Variants in GATAD1 observed in about 807,000 individuals in gnomAD.
GATAD1 encodes GATA zinc finger domain-containing protein 1.
Under a neutral mutation model 26.5 loss-of-function variants are expected in GATAD1, and 12 were observed. The ratio of observed to expected loss-of-function variants is 0.45; its 90% CI spans 0.29 to 0.73. The LOEUF (loss-of-function observed/expected upper bound fraction) is 0.73. GATAD1 is among the 30% of genes least tolerant of loss of function. The probability of loss-of-function intolerance (pLI) is 0.10; values close to 1 mark genes in which losing one functional copy is unlikely to be tolerated. For synonymous variants in GATAD1, 129 were observed against 133.1 expected, an observed-to-expected ratio of 0.97 and a Z score of 0.21; for missense variants, 266 against 342.1, an observed-to-expected ratio of 0.78 and a Z score of 1.75.
chr7:92,451,301 G>A (rs528468561), intron 3 of GATAD1, among the ~76,000 whole-genome samples: 1 of 152,270 alleles, frequency 6.6e-6, no homozygotes, highest in African/African-American at 2.4e-5. Flanking sequence ...GGTTTCCCAG[G>A]GCCAAAGTCC....
At chr7:92,491,279 GAA>G in the GATAD1 span, 1 of 1,597,492 alleles carries the variant, frequency 6.3e-7, no homozygotes, top group Non-Finnish European at 8.6e-7. Flanking sequence ...TACCAAATCA[GAA>G]GAGGTTCCAT....
the GATAD1 span, among the ~76,000 whole-genome samples, chr7:92,476,551 G>A: frequency 1.1e-4 from 17 of 151,900 alleles, no homozygotes; most frequent in African/African-American, 4.1e-4. Flanking sequence ...AAAGGAATAG[G>A]GCACACTGTT....
chr7:92,492,922 AATGTCAT>A, the GATAD1 span: 1 of 1,566,452 alleles, frequency 6.4e-7, no homozygotes, highest in Non-Finnish European at 8.8e-7. Context: ...TCACTCATAA[AATGTCAT>A]AACAACTTCC....
In GATAD1 at chr7:92,459,415, A is replaced by G. The variant is rs1789832958; in HGVS notation, c.*2853A>G. ...TTGTGTACCATCTTTTAAAATAAAGATTGAATTTCACCCAGTGTGATGGTT... is the reference window on the plus strand; with the variant it reads ...TTGTGTACCATCTTTTAAAATAAAGGTTGAATTTCACCCAGTGTGATGGTT... On this transcript the variant is annotated 3_prime_UTR_variant, in exon 5 of 5. Coordinates refer to ENST00000287957, the MANE Select transcript of GATAD1 (RefSeq NM_021167.5). 1 of 152,142 alleles carries G rather than the reference A, an allele frequency of 6.6e-6. No individual in the cohort carries two copies. The highest frequency in any genetic ancestry group is 2.4e-5 in the African/African-American group (1 of 41,422). The allele number at this position is 152,142 out of a possible 1,614,324, so 9.4% of individuals were successfully genotyped here.
At chr7:92,455,602 AC>A (rs2115881677) in intron 4 of GATAD1, among the ~76,000 whole-genome samples, 1 of 152,296 alleles carries the variant, frequency 6.6e-6, no homozygotes, top group South Asian at 2.1e-4. Flanking sequence ...TCAGATTTTT[AC>A]AGTTACTTCA....
chr7:92,458,455 TAAG>T lies in GATAD1; in HGVS notation c.*1895_*1897del, dbSNP rs1789780645. 1 of 152,220 alleles carries T rather than the reference TAAG, an allele frequency of 6.6e-6. No homozygotes were observed. Among genetic ancestry groups the T allele is most frequent in the African/African-American group, 2.4e-5 (1 of 41,462 alleles). The allele number at this position is 152,220 out of a possible 1,614,324, so 9.4% of individuals were successfully genotyped here. ...TAAACCATCTGCTATGGACCCATAATAAGAGGCCTGTTGTATATGAAATTGTCT... is the reference window on the plus strand; with the variant it reads ...TAAACCATCTGCTATGGACCCATAATAGGCCTGTTGTATATGAAATTGTCT... On this transcript the variant is annotated 3_prime_UTR_variant, in exon 5 of 5. Coordinates refer to ENST00000287957, the MANE Select transcript of GATAD1 (RefSeq NM_021167.5).
chr7:92,454,363 A>G (rs559216917), intron 3 of GATAD1, 139 bp from the exon 4 acceptor site: 35 of 671,502 alleles, frequency 5.2e-5, no homozygotes, highest in Non-Finnish European at 7.8e-5. Context: ...GGCACCAAAC[A>G]TATAAACACT....
the GATAD1 span, among the ~76,000 whole-genome samples, chr7:92,478,606 T>C: frequency 6.6e-6 from 1 of 152,212 alleles, no homozygotes; most frequent in Non-Finnish European, 1.5e-5. Context: ...TCTTTGGTGC[T>C]GCCTAATTAT....
intron 3 of GATAD1, 141 bp downstream of exon 3, chr7:92,450,901 T>G (rs941748605): frequency 6.9e-6 from 4 of 576,900 alleles, no homozygotes; most frequent in Non-Finnish European, 1.2e-5. Context: ...TCTTAGCTGT[T>G]TTCCCCCATA....
At chr7:92,463,296 G>T (rs1789988009), downstream of GATAD1, among the ~76,000 whole-genome samples, 1 of 152,106 alleles carries the variant, frequency 6.6e-6, no homozygotes, top group African/African-American at 2.4e-5. Context: ...TTCTGGAAAT[G>T]GGTAGTGACA....
In GATAD1 at chr7:92,447,944, C is replaced by T. The variant is rs1789228997; in HGVS notation, c.215C>T (p.Pro72Leu). 3 of 1,233,724 alleles carry T rather than the reference C, an allele frequency of 2.4e-6. No homozygotes were observed. The highest frequency in any genetic ancestry group is 7.8e-5 in the South Asian group (2 of 25,672). The allele number at this position is 1,233,724 out of a possible 1,614,324, so 76.4% of individuals were successfully genotyped here. ...AATFASTSAT[P>L]PQSNGGGGGK... ...ACCTTCGCCAGCACCTCCGCCACCC[C>T]TCCGCAGAGCAACGGGGGCGGGGGC... Residue 72 changes from proline to leucine, a missense_variant, in exon 1 of 5, where the codon CCT becomes CTT. Physicochemically the swap from Pro to Leu is moderately conservative, Grantham distance 98 (BLOSUM62 -3). Coordinates refer to ENST00000287957, the MANE Select transcript of GATAD1 (RefSeq NM_021167.5).
chr7:92,454,386 T>G, intron 3 of GATAD1, 116 bp from the exon 4 acceptor site: 1 of 761,300 alleles, frequency 1.3e-6, no homozygotes, highest in South Asian at 1.5e-5. Flanking sequence ...TACATTAGAC[T>G]ATCTCGAACA....
At chr7:92,452,304 G>T (rs1286505194) in intron 3 of GATAD1, among the ~76,000 whole-genome samples, 1 of 152,220 alleles carries the variant, frequency 6.6e-6, no homozygotes. Flanking sequence ...GGACAATAAT[G>T]CAACAAAGTA....
intron 3 of GATAD1, among the ~76,000 whole-genome samples, chr7:92,453,336 A>G (rs1789519935): frequency 6.6e-6 from 1 of 152,208 alleles, no homozygotes; most frequent in Admixed American, 6.5e-5. Flanking sequence ...TGTCATAAAG[A>G]TTTGGATCAA....
chr7:92,477,136 T>G, the GATAD1 span, among the ~76,000 whole-genome samples: 1 of 152,148 alleles, frequency 6.6e-6, no homozygotes, highest in Non-Finnish European at 1.5e-5. Context: ...GCTTTCTGCC[T>G]CTAGTCGGCC....
At chr7:92,483,310 T>C in the GATAD1 span, among the ~76,000 whole-genome samples, 48 of 152,310 alleles carry the variant, frequency 3.2e-4, no homozygotes, top group Non-Finnish European at 5.1e-4. Flanking sequence ...TTCAGGTGTT[T>C]TGAAGTTCTT....
downstream of GATAD1, among the ~76,000 whole-genome samples, chr7:92,461,816 A>C (rs1187939327): frequency 6.6e-6 from 1 of 152,204 alleles, no homozygotes; most frequent in Non-Finnish European, 1.5e-5. Flanking sequence ...AGTTGCACCC[A>C]AGATGGAAGC....
chr7:92,494,858 C>T, the GATAD1 span, among the ~76,000 whole-genome samples: 2 of 150,844 alleles, frequency 1.3e-5, no homozygotes, highest in African/African-American at 2.4e-5. Flanking sequence ...TACAACAAAC[C>T]CTTAAAGAAG....
At chr7:92,453,734 C>G (rs1464011502) in intron 3 of GATAD1, among the ~76,000 whole-genome samples, 1 of 152,126 alleles carries the variant, frequency 6.6e-6, no homozygotes, top group Admixed American at 6.5e-5. Flanking sequence ...AGAATGCATT[C>G]TTACCAAATC....
Sources: gnomAD v4.1 joint callset for allele counts (sites outside exome capture counted in the v4.1 genomes callset) on GRCh38, gnomAD v4.1.1 for gene constraint, MANE v1.5 for transcripts, NCBI Gene and HGNC (gene_info 2026-07-23, HGNC 2026-07-21) for gene names.